Variants in JPT1 observed in about 807,000 individuals in gnomAD.
JPT1 encodes the protein androgen-regulated protein 2.
Under a neutral mutation model 17.0 loss-of-function variants are expected in JPT1, and 5 were observed. The ratio of observed to expected loss-of-function variants is 0.29; its 90% confidence interval spans 0.15 to 0.62. JPT1 has a LOEUF of 0.62. Among genes scored for constraint, JPT1 ranks in the 20% least tolerant of loss-of-function variants. The pLI is 0.85. For synonymous variants in JPT1, 71 were observed against 73.6 expected, an observed-to-expected ratio of 0.96 and a Z score of 0.18; for missense variants, 158 against 188.1, an observed-to-expected ratio of 0.84 and a Z score of 0.94.
In JPT1 at chr17:75,147,616, T is replaced by C; in HGVS notation, c.237A>G (p.Ser79=). Residue 79 remains serine, a synonymous_variant, in exon 3 of 5, where the codon TCA becomes TCG. Transcript: ENST00000409753. ...KSSGGREDLE[S]SGLQRRNSSE... Reference sequence around the variant, plus strand: ...AGGAGTTCCTTCTCTGCAGTCCAGATGACTCCAAGTCTTCCCTGCCACCAC... The same window carrying C: ...AGGAGTTCCTTCTCTGCAGTCCAGACGACTCCAAGTCTTCCCTGCCACCAC... The C allele has an allele frequency of 6.2e-7, 1 of 1,614,094 alleles. No individual in the cohort carries two copies. Among genetic ancestry groups the C allele is most frequent in the Non-Finnish European group, 8.5e-7 (1 of 1,179,940 alleles).
chr17:75,137,532 T>TG (rs954249207), intron 4 of JPT1, among the ~76,000 whole-genome samples: 10 of 151,206 alleles, frequency 6.6e-5, no homozygotes, highest in East Asian at 1.9e-4. Context: ...ATTTTTGTTT[T>TG]TTTTTTTTTT....
chr17:75,144,959 C>T (rs1202195827), intron 4 of JPT1, among the ~76,000 whole-genome samples: 2 of 152,028 alleles, frequency 1.3e-5, no homozygotes, highest in African/African-American at 2.4e-5. Context: ...CCCAAAGGCT[C>T]AGGAGCTTCT....
Position 75,136,169 on chromosome 17 carries a change from A to C in JPT1, c.398T>G (p.Val133Gly). 1 of 1,614,158 alleles carries C rather than the reference A, an allele frequency of 6.2e-7. No individual in the cohort carries two copies. The highest frequency in any genetic ancestry group is 8.5e-7 in the Non-Finnish European group (1 of 1,180,010). Residue 133 changes from valine to glycine, a missense_variant, in exon 5 of 5, where the codon GTG becomes GGG. Transcript: ENST00000409753. The part of the protein sequence containing the change: ...PVPAAPVPSP[V>G]APAPVPSRRN... ...TCTGGATGGCACTGGGGCCGGGGCCACCGGGCTGGGCACAGGCGCAGCAGG... is the reference window on the plus strand; with the variant it reads ...TCTGGATGGCACTGGGGCCGGGGCCCCCGGGCTGGGCACAGGCGCAGCAGG...
chr17:75,151,298 T>G (rs1454372261), intron 1 of JPT1, among the ~76,000 whole-genome samples: 1 of 152,024 alleles, frequency 6.6e-6, no homozygotes, highest in African/African-American at 2.4e-5. Context: ...ATCACACCAC[T>G]GCACTCTAGC....
chr17:75,139,207 A>C (rs1184224994), intron 4 of JPT1, among the ~76,000 whole-genome samples: 2 of 152,238 alleles, frequency 1.3e-5, no homozygotes, highest in African/African-American at 4.8e-5. Context: ...TGTTAGTTCA[A>C]GCAGTTTCAT....
intron 4 of JPT1, among the ~76,000 whole-genome samples, chr17:75,145,055 T>A (rs1287155398): frequency 6.8e-6 from 1 of 147,228 alleles, no homozygotes; most frequent in Non-Finnish European, 1.5e-5. Flanking sequence ...TCCCAGCTAT[T>A]CAGGAGGCTG....
chr17:75,147,816 T>C (rs914389293), intron 2 of JPT1, 163 bp from the exon 3 acceptor site: 5 of 581,256 alleles, frequency 8.6e-6, no homozygotes, highest in South Asian at 2.0e-5. Flanking sequence ...CTGGCCAACA[T>C]GGTAAAACCC....
At chr17:75,148,341 G>A (rs868843842) in intron 2 of JPT1, among the ~76,000 whole-genome samples, 188 bp downstream of exon 2, 12 of 152,256 alleles carry the variant, frequency 7.9e-5, no homozygotes, top group African/African-American at 2.2e-4. Context: ...CACCTCCCAG[G>A]CTCAGCAATC....
At chr17:75,144,372 G>A (rs972233311) in intron 4 of JPT1, among the ~76,000 whole-genome samples, 1 of 151,886 alleles carries the variant, frequency 6.6e-6, no homozygotes, top group Non-Finnish European at 1.5e-5. Flanking sequence ...AATTAGCCAG[G>A]CATGGTGGCA....
intron 4 of JPT1, 65 bp from the exon 5 acceptor site, chr17:75,136,315 C>A (rs777787898): frequency 1.0e-5 from 15 of 1,456,894 alleles, no homozygotes; most frequent in Non-Finnish European, 1.4e-5. Flanking sequence ...GATCAAGGAT[C>A]TGTTTCTCTT....
intron 1 of JPT1, among the ~76,000 whole-genome samples, chr17:75,149,971 C>T (rs2074516692): frequency 6.6e-6 from 1 of 152,148 alleles, no homozygotes; most frequent in African/African-American, 2.4e-5. Flanking sequence ...CATTTACATA[C>T]TTGTACCTCA....
intron 4 of JPT1, among the ~76,000 whole-genome samples, chr17:75,146,137 G>A (rs1298034112): frequency 6.6e-6 from 1 of 152,014 alleles, no homozygotes; most frequent in Non-Finnish European, 1.5e-5. Flanking sequence ...GTATGTGTGT[G>A]TGTTTAGATA....
intron 4 of JPT1, among the ~76,000 whole-genome samples, chr17:75,141,560 G>A (rs1426116685): frequency 6.6e-6 from 1 of 152,068 alleles, no homozygotes; most frequent in Non-Finnish European, 1.5e-5. Flanking sequence ...GGCTGAGGCA[G>A]GAGAATCACT....
chr17:75,138,176 G>A lies in JPT1; in HGVS notation c.317-1926C>T, dbSNP rs149664941. Among the ~76,000 whole-genome samples, 21 of 151,536 alleles carry A rather than the reference G, an allele frequency of 1.4e-4. No homozygotes were observed. The East Asian group carries it at 3.9e-3, about 28-fold the overall frequency. On this transcript the variant is annotated intron_variant, in intron 4 of 4. Transcript: ENST00000409753. Reference sequence around the variant, plus strand: ...AGGGTTTCACCATGTTGGCCTGGCTGGTCTTAAACTCCTGACCTCAGGTGA... The same window carrying A: ...AGGGTTTCACCATGTTGGCCTGGCTAGTCTTAAACTCCTGACCTCAGGTGA...
At chr17:75,149,144 A>C (rs1416946249) in intron 1 of JPT1, 1 of 763,556 alleles carries the variant, frequency 1.3e-6, no homozygotes, top group Admixed American at 2.4e-5. Flanking sequence ...TGAGCCTAGG[A>C]GTTCAAGACC....
At chr17:75,149,324 C>T in intron 1 of JPT1, 1 of 259,050 alleles carries the variant, frequency 3.9e-6, no homozygotes, top group Non-Finnish European at 7.8e-6. Flanking sequence ...CGCTGAACTC[C>T]AGCCTGTGTG....
At chr17:75,149,888 A>C (rs911496960) in intron 1 of JPT1, among the ~76,000 whole-genome samples, 3 of 136,760 alleles carry the variant, frequency 2.2e-5, no homozygotes, top group Non-Finnish European at 4.7e-5. Context: ...CACACACTTA[A>C]GTCAGCTTGA....
chr17:75,147,495 G>A (rs914443116), intron 3 of JPT1, 61 bp downstream of exon 3: 4 of 1,178,248 alleles, frequency 3.4e-6, no homozygotes, highest in Non-Finnish European at 5.1e-6. Context: ...GAAACTCTTA[G>A]TACAAATTTC....
In JPT1 at chr17:75,137,685, C is replaced by CTTTT. The variant is rs60118585; in HGVS notation, c.317-1439_317-1436dup. Among the ~76,000 whole-genome samples the CTTTT allele has an allele frequency of 6.5e-3, 729 of 112,730 alleles. 47 individuals are homozygous for CTTTT. Among genetic ancestry groups the CTTTT allele is most frequent in the South Asian group, 0.016 (55 of 3,402 alleles). 74.0% of individuals were successfully genotyped at this position (112,730 alleles called of 152,430 possible). A position where few individuals can be genotyped will look rare whatever the true frequency, so the allele number is the denominator to read the frequency against. On this transcript the variant is annotated intron_variant, in intron 4 of 4. Transcript: ENST00000409753. ...TCACCCTTCACACAGCCTAGTTTTC[C>CTTTT]TTTTTTTTTTTTTTTTTTTTTTTTT...
Sources: allele counts gnomAD v4.1 joint callset (sites outside exome capture counted in the v4.1 genomes callset), GRCh38; gene constraint gnomAD v4.1.1; transcripts MANE v1.5; gene names NCBI Gene and HGNC (gene_info 2026-07-23, HGNC 2026-07-21).